Variants in ADCYAP1R1 observed in about 807,000 individuals in gnomAD.
ADCYAP1R1 encodes pituitary adenylate cyclase-activating polypeptide type I receptor.
A neutral mutation model predicts 67.6 loss-of-function variants in ADCYAP1R1; 44 were observed. The ratio of observed to expected loss-of-function variants is 0.65; its 90% confidence interval spans 0.51 to 0.84. ADCYAP1R1 has a LOEUF of 0.84. Among genes scored for constraint, ADCYAP1R1 ranks in the 40% least tolerant of loss-of-function variants. The pLI is 0.00. For missense variants in ADCYAP1R1, 477 were observed against 587.9 expected (o/e 0.81, Z 1.95); for synonymous variants, 222 against 219.6 (o/e 1.01, Z -0.10).
intron 5 of ADCYAP1R1, 93 bp downstream of exon 5, chr7:31,080,726 T>TC: frequency 7.3e-7 from 1 of 1,376,600 alleles, no homozygotes; most frequent in Non-Finnish European, 1.0e-6. Flanking sequence ...GCTGCTGGGA[T>TC]TGGGGTGGGG....
chr7:31,071,055 C>A (rs368995261), intron 3 of ADCYAP1R1, among the ~76,000 whole-genome samples: 22 of 152,270 alleles, frequency 1.4e-4, no homozygotes, highest in African/African-American at 4.1e-4. Context: ...AAAATGGGGA[C>A]CTTGTTCTAA....
intron 13 of ADCYAP1R1, among the ~76,000 whole-genome samples, chr7:31,095,195 T>C (rs2267733): frequency 0.71 from 107,707 of 152,130 alleles, 39,417 homozygotes; most frequent in African/African-American, 0.91. Flanking sequence ...AATAGGTAAA[T>C]CACTGTCAAA....
rs866804030 is a variant in ADCYAP1R1 at position 31,097,125 on chromosome 7, G to A, written c.1046+4390G>A. ...TGCAGACACACAATGAAGCTGTGGC[G>A]TAGCCAGCCCCAGAGGCCAAGGCTC... On this transcript the variant is annotated intron_variant, in intron 13 of 15. Transcript: ENST00000304166. 1.8e-4 allele frequency among the ~76,000 whole-genome samples: 28 copies of A among 152,324 alleles called. No homozygotes were observed. In the South Asian group the frequency reaches 3.3e-3, roughly 18 times the overall value.
chr7:31,060,684 G>T (rs1219138078), intron 1 of ADCYAP1R1, among the ~76,000 whole-genome samples: 1 of 151,854 alleles, frequency 6.6e-6, no homozygotes, highest in Non-Finnish European at 1.5e-5. Flanking sequence ...CTGTGTATTT[G>T]TGTGTGTTTG....
intron 4 of ADCYAP1R1, 41 bp downstream of exon 4, chr7:31,078,139 C>G (rs746524853): frequency 6.6e-7 from 1 of 1,509,234 alleles, no homozygotes; most frequent in Admixed American, 2.0e-5. Flanking sequence ...CTGGCCTAGC[C>G]TGCTCCCCAA....
At chr7:31,077,810 G>A (rs1795335506) in intron 3 of ADCYAP1R1, among the ~76,000 whole-genome samples, 181 bp from the exon 4 acceptor site, 2 of 145,912 alleles carry the variant, frequency 1.4e-5, no homozygotes, top group African/African-American at 5.4e-5. Flanking sequence ...TCTGTTGTGT[G>A]GTGTGTGTGT....
At chr7:31,055,887 A>ACCCT (rs1267130054) in intron 1 of ADCYAP1R1, among the ~76,000 whole-genome samples, 1 of 151,866 alleles carries the variant, frequency 6.6e-6, no homozygotes, top group Non-Finnish European at 1.5e-5. Flanking sequence ...TGGCCTCAGC[A>ACCCT]CCCTCCCCCA....
intron 2 of ADCYAP1R1, 120 bp downstream of exon 2, chr7:31,063,435 C>A (rs1794595905): frequency 1.8e-6 from 2 of 1,112,368 alleles, no homozygotes; most frequent in Non-Finnish European, 2.7e-6. Flanking sequence ...TTTCTGCCAA[C>A]ACCACCACTG....
rs1342594888 is a variant in ADCYAP1R1 at position 31,110,686 on chromosome 7, T to C, written c.*4002T>C. Reference sequence around the variant, plus strand: ...CTTGCAGGAGAAGCAATGGAGTCAGTGTGGTGTGGGGAGACCTACTTTTTA... The same window carrying C: ...CTTGCAGGAGAAGCAATGGAGTCAGCGTGGTGTGGGGAGACCTACTTTTTA... On this transcript the variant is annotated 3_prime_UTR_variant, in exon 16 of 16. Coordinates refer to ENST00000304166, the MANE Select transcript of ADCYAP1R1 (RefSeq NM_001118.5). The C allele has an allele frequency of 1.3e-5, 2 of 152,844 alleles. No homozygotes were observed. The highest frequency in any genetic ancestry group is 4.8e-5 in the African/African-American group (2 of 41,418). 9.5% of individuals were successfully genotyped at this position (152,844 alleles called of 1,614,324 possible). A position where few individuals can be genotyped will look rare whatever the true frequency, so the allele number is the denominator to read the frequency against.
intron 1 of ADCYAP1R1, among the ~76,000 whole-genome samples, chr7:31,062,047 G>A (rs537328782): frequency 2.1e-4 from 32 of 152,252 alleles, no homozygotes; most frequent in East Asian, 1.2e-3. Flanking sequence ...GCCTGTTGAC[G>A]GATGCTTTGC....
intron 1 of ADCYAP1R1, chr7:31,056,919 CA>C (rs145334924): frequency 0.024 from 3,595 of 152,340 alleles, 147 homozygotes; most frequent in African/African-American, 0.082. Context: ...CAAATCCATC[CA>C]GGGGGCGCTC....
chr7:31,072,767 A>G (rs1439537803), intron 3 of ADCYAP1R1, among the ~76,000 whole-genome samples: 1 of 152,244 alleles, frequency 6.6e-6, no homozygotes, highest in African/African-American at 2.4e-5. Flanking sequence ...TACTTTACAT[A>G]ACAAAAAGAA....
intron 3 of ADCYAP1R1, among the ~76,000 whole-genome samples, chr7:31,072,161 G>GT (rs1168718199): frequency 6.6e-6 from 1 of 152,142 alleles, no homozygotes; most frequent in Non-Finnish European, 1.5e-5. Flanking sequence ...ACTTAGCACA[G>GT]TAACATTTCT....
At chr7:31,056,308 G>T (rs1411825529) in intron 1 of ADCYAP1R1, among the ~76,000 whole-genome samples, 1 of 152,074 alleles carries the variant, frequency 6.6e-6, no homozygotes, top group African/African-American at 2.4e-5. Flanking sequence ...CCAGCTCTCC[G>T]CAGACTCCAT....
At chr7:31,058,226 A>G (rs1041052658) in intron 1 of ADCYAP1R1, among the ~76,000 whole-genome samples, 2 of 152,210 alleles carry the variant, frequency 1.3e-5, no homozygotes, top group Non-Finnish European at 2.9e-5. Context: ...TTTGGACAGT[A>G]CAGGGATGGC....
chr7:31,057,441 C>T (rs1794298518), intron 1 of ADCYAP1R1, among the ~76,000 whole-genome samples: 1 of 152,242 alleles, frequency 6.6e-6, no homozygotes, highest in South Asian at 2.1e-4. Context: ...ATGATACTGC[C>T]AACGGGCACA....
intron 13 of ADCYAP1R1, among the ~76,000 whole-genome samples, chr7:31,095,293 G>A (rs1306571761): frequency 2.6e-5 from 4 of 152,160 alleles, no homozygotes; most frequent in African/African-American, 9.7e-5. Context: ...GCTGTGGTGC[G>A]GGCAGGCCTT....
intron 1 of ADCYAP1R1, among the ~76,000 whole-genome samples, chr7:31,060,874 C>T (rs1195143896): frequency 6.6e-6 from 1 of 152,196 alleles, no homozygotes; most frequent in Non-Finnish European, 1.5e-5. Context: ...AAAATAGAGG[C>T]TTTATAATTC....
At chr7:31,077,654 ATG>A (rs1255972771) in intron 3 of ADCYAP1R1, among the ~76,000 whole-genome samples, 2 of 95,446 alleles carry the variant, frequency 2.1e-5, no homozygotes, top group Non-Finnish European at 4.2e-5. Flanking sequence ...GGTGTGTGTG[ATG>A]TGTGTGTGGT....
Sources: allele counts gnomAD v4.1 joint callset (sites outside exome capture counted in the v4.1 genomes callset), GRCh38; gene constraint gnomAD v4.1.1; transcripts MANE v1.5; gene names NCBI Gene and HGNC (gene_info 2026-07-23, HGNC 2026-07-21).